PRDM7: variants seen among roughly 807,000 people sequenced by gnomAD.
PRDM7 encodes the protein PR/SET domain 7.
In PRDM7, 52 loss-of-function variants were observed where a neutral mutation model predicts 64.3. That is an observed-to-expected ratio of 0.81 (90% CI 0.65 to 1.02). The LOEUF (loss-of-function observed/expected upper bound fraction) is 1.02, where lower values mean the gene tolerates loss of function less well. Among genes scored for constraint, PRDM7 ranks in the 50% least tolerant of loss-of-function variants. The pLI is 0.00. For synonymous variants in PRDM7, 192 were observed against 210.1 expected, an observed-to-expected ratio of 0.91 and a Z score of 0.74; for missense variants, 574 against 597.1, an observed-to-expected ratio of 0.96 and a Z score of 0.40.
At chr16:90,067,881 C>T (rs1450738638) in intron 4 of PRDM7, among the ~76,000 whole-genome samples, 5 of 151,196 alleles carry the variant, frequency 3.3e-5, no homozygotes, top group South Asian at 4.2e-4. Context: ...TGAGCCACCG[C>T]GCCCAGCCGA....
chr16:90,075,801 G>A lies in PRDM7; in HGVS notation c.69+41C>T, dbSNP rs777711442. The stretch of plus-strand genomic sequence containing the variant: ...GGAGTCTGCAGCACTCCAGAGATCA[G>A]CTCCTGCTGGGAGTCTGGCTTCGCC... On this transcript the variant is annotated intron_variant, in intron 2 of 10. Coordinates refer to ENST00000449207, the MANE Select transcript of PRDM7 (RefSeq NM_001098173.2). The surrounding 1 kb of genome is among the most constrained non-coding windows in gnomAD (Gnocchi z 4.3). The A allele has an allele frequency of 8.1e-6, 13 of 1,599,242 alleles. No homozygotes were observed. The African/African-American group carries it at 1.5e-4, about 18-fold the overall frequency.
chr16:90,058,390 G>A lies in PRDM7; in HGVS notation c.1378C>T (p.Pro460Ser). ...LQENFSNQRIPAQGIRIRSGN... is the reference protein window; with the variant it reads ...LQENFSNQRISAQGIRIRSGN... The stretch of plus-strand genomic sequence containing the variant: ...CTCCTGATTCTGATCCCCTGGGCAG[G>A]GATTCTCTGGTTGGAGAAGTTTTCT... The change falls in exon 11 of 11, where the codon CCT becomes TCT. Residue 460 changes from proline to serine, a missense_variant. Coordinates refer to ENST00000449207, the MANE Select transcript of PRDM7 (RefSeq NM_001098173.2). 2 of 1,614,136 alleles carry A rather than the reference G, an allele frequency of 1.2e-6. No individual in the cohort carries two copies. The highest frequency in any genetic ancestry group is 1.7e-6 in the Non-Finnish European group (2 of 1,180,034).
chr16:90,063,146 A>T (rs2037810637), intron 6 of PRDM7, among the ~76,000 whole-genome samples: 1 of 152,200 alleles, frequency 6.6e-6, no homozygotes, highest in Admixed American at 6.5e-5. Flanking sequence ...CTTACATGCT[A>T]TTCAATACTG....
chr16:90,064,316 G>C (rs1041145216), intron 5 of PRDM7, among the ~76,000 whole-genome samples: 1 of 152,160 alleles, frequency 6.6e-6, no homozygotes, highest in Non-Finnish European at 1.5e-5. Flanking sequence ...GTTAGTTCCT[G>C]TACCAATTCT....
chr16:90,057,827 T>A lies in PRDM7; in HGVS notation c.*462A>T, dbSNP rs570051982. The A allele has an allele frequency of 1.5e-5, 22 of 1,459,072 alleles. No homozygotes were observed. Among genetic ancestry groups the A allele is most frequent in the Non-Finnish European group, 1.9e-5 (21 of 1,082,730 alleles). The allele number at this position is 1,459,072 out of a possible 1,614,324, so 90.4% of individuals were successfully genotyped here. On this transcript the variant is annotated 3_prime_UTR_variant, in exon 11 of 11. Coordinates refer to ENST00000449207, the MANE Select transcript of PRDM7 (RefSeq NM_001098173.2). ...TTGTGGCTATTGAGATAAGGTTTTA[T>A]TACTAATGACTTACTCATCCTTCCT...
Position 90,056,718 on chromosome 16 carries a change from G to A in PRDM7, c.*1571C>T, listed in dbSNP as rs556083814. Reference sequence around the variant, plus strand: ...GGGTCGTGATCGATTGAGCAAGCAGGGGGTAGGTGACAGGGGCTGCATGCA... The same window carrying A: ...GGGTCGTGATCGATTGAGCAAGCAGAGGGTAGGTGACAGGGGCTGCATGCA... On this transcript the variant is annotated 3_prime_UTR_variant, in exon 11 of 11. Coordinates refer to ENST00000449207, the MANE Select transcript of PRDM7 (RefSeq NM_001098173.2). The A allele has an allele frequency of 4.6e-5, 7 of 152,238 alleles. No individual in the cohort carries two copies. The highest frequency in any genetic ancestry group is 1.0e-4 in the Non-Finnish European group (7 of 68,102). 9.4% of individuals were successfully genotyped at this position (152,238 alleles called of 1,614,324 possible).
rs2038018376 is a variant in PRDM7 at position 90,075,143 on chromosome 16, T to C, written c.194-120A>G. 5.2e-6 allele frequency: 7 copies of C among 1,357,204 alleles called. No individual in the cohort carries two copies. The highest frequency in any genetic ancestry group is 1.4e-5 in the African/African-American group (1 of 69,306). 84.1% of individuals were successfully genotyped at this position (1,357,204 alleles called of 1,614,324 possible). A position where few individuals can be genotyped will look rare whatever the true frequency, so the allele number is the denominator to read the frequency against. ...CTCAGTCTGATGAGCTGGGAGAGTC[T>C]TGAACAAGGTCAAGATGTGACCTCT... On this transcript the variant is annotated intron_variant, in intron 3 of 10. Coordinates refer to ENST00000449207, the MANE Select transcript of PRDM7 (RefSeq NM_001098173.2). This position sits in a 1 kb window ranked among gnomAD's most constrained non-coding sequence, Gnocchi z 4.3.
Position 90,062,143 on chromosome 16 carries a change from C to T in PRDM7, c.660G>A (p.Gly220=). Residue 220 remains glycine, a synonymous_variant, in exon 8 of 11, where the codon GGG becomes GGA. Coordinates refer to ENST00000449207, the MANE Select transcript of PRDM7 (RefSeq NM_001098173.2). ...NFFIDSCAAH[G]PPTFVKDSAV... is the part of the protein sequence containing the mutation. Reference sequence around the variant, plus strand: ...CACTGTCCTTTACAAATGTAGGGGGCCCATGAGCAGCACAGCTGTCAATGA... The same window carrying T: ...CACTGTCCTTTACAAATGTAGGGGGTCCATGAGCAGCACAGCTGTCAATGA... The T allele has an allele frequency of 6.2e-7, 1 of 1,614,240 alleles. No individual in the cohort carries two copies. The highest frequency in any genetic ancestry group is 1.3e-5 in the African/African-American group (1 of 75,066).
At chr16:90,064,519 T>C (rs1266495347) in intron 5 of PRDM7, among the ~76,000 whole-genome samples, 3 of 151,864 alleles carry the variant, frequency 2.0e-5, no homozygotes, top group Admixed American at 6.6e-5. Flanking sequence ...GTTCAAGAGA[T>C]TTTCCTACCT....
At chr16:90,076,804 G>C (rs568113086) in intron 1 of PRDM7, among the ~76,000 whole-genome samples, 11 of 151,944 alleles carry the variant, frequency 7.2e-5, no homozygotes, top group Non-Finnish European at 1.6e-4. Flanking sequence ...AGGAGATTTG[G>C]GTCTCTCATT....
chr16:90,063,575 C>A, intron 6 of PRDM7, 37 bp downstream of exon 6: 1 of 1,606,732 alleles, frequency 6.2e-7, no homozygotes, highest in Non-Finnish European at 8.5e-7. Context: ...TTCTAGAGGA[C>A]ATAGAGGGAC....
intron 5 of PRDM7, among the ~76,000 whole-genome samples, chr16:90,064,308 T>C (rs1168977184): frequency 6.6e-6 from 1 of 152,202 alleles, no homozygotes; most frequent in African/African-American, 2.4e-5. Context: ...TTAGATTAGT[T>C]AGTTCCTGTA....
chr16:90,072,005 C>T (rs998401424), intron 4 of PRDM7, among the ~76,000 whole-genome samples: 8 of 151,958 alleles, frequency 5.3e-5, no homozygotes, highest in African/African-American at 9.7e-5. Flanking sequence ...ATGAGGCAGG[C>T]GGATCATGAG....
rs867489649 is a variant in PRDM7 at position 90,060,344 on chromosome 16, TC to T, written c.1229del (p.Gly410GlufsTer63). On this transcript the variant is annotated frameshift_variant, in exon 10 of 11. Coordinates refer to ENST00000449207, the MANE Select transcript of PRDM7 (RefSeq NM_001098173.2). LOFTEE classifies it high-confidence loss of function. ...AASGRKSSWQGENQSQRSIHV... is the reference protein window; with the variant it reads ...AASGRKSSWQXENQSQRSIHV... ...AAAGAGTAATAGTGATGCCTACCTCTCCCTGCCATGAGCTCTTTCTTCCACT... is the reference window on the plus strand; with the variant it reads ...AAAGAGTAATAGTGATGCCTACCTCTCCTGCCATGAGCTCTTTCTTCCACT... 4 of 1,613,858 alleles carry T rather than the reference TC, an allele frequency of 2.5e-6. No individual in the cohort carries two copies. The African/African-American group carries it at 5.3e-5, about 22-fold the overall frequency.
intron 4 of PRDM7, among the ~76,000 whole-genome samples, 193 bp from the exon 5 acceptor site, chr16:90,067,103 C>G (rs1223220794): frequency 6.6e-6 from 1 of 151,124 alleles, no homozygotes; most frequent in Non-Finnish European, 1.5e-5. Context: ...TTGTTGGGAA[C>G]TACAGGTGTG....
intron 7 of PRDM7, 91 bp downstream of exon 7, chr16:90,062,310 C>T (rs771996635): frequency 1.6e-4 from 253 of 1,613,144 alleles, no homozygotes; most frequent in East Asian, 7.1e-4. Flanking sequence ...TTAATTCATT[C>T]GAGTAAGGGA....
Position 90,057,876 on chromosome 16 carries a change from G to T in PRDM7, c.*413C>A. On this transcript the variant is annotated 3_prime_UTR_variant, in exon 11 of 11. Transcript: ENST00000449207. ...CTGCAGACTGGGGCGTCTCCCCTGT[G>T]TGTCCTCTGGTGAATGAGGAGGACT... The T allele has an allele frequency of 6.6e-7, 1 of 1,518,106 alleles. No homozygotes were observed. The highest frequency in any genetic ancestry group is 9.0e-7 in the Non-Finnish European group (1 of 1,113,504). The allele number at this position is 1,518,106 out of a possible 1,614,324, so 94.0% of individuals were successfully genotyped here.
Position 90,062,467 on chromosome 16 carries a change from T to C in PRDM7, c.544A>G (p.Ser182Gly). Residue 182 changes from serine (S) to glycine (G), a missense_variant, in exon 7 of 11, where the codon AGC becomes GGC. Transcript: ENST00000449207. ...GCATGACCCTTTCTTTCTCGCAGGC[T>C]ATACATCTTTCCTTCAGTCTCCTTC... is the stretch of plus-strand genomic sequence containing the variant. ...RRKETEGKMY[S>G]LRERKGHAYK... 6.2e-7 allele frequency: 1 copy of C among 1,614,176 alleles called. No homozygotes were observed. The highest frequency in any genetic ancestry group is 1.1e-5 in the South Asian group (1 of 91,082).
intron 4 of PRDM7, among the ~76,000 whole-genome samples, chr16:90,070,292 G>T (rs779923872): frequency 1.9e-4 from 28 of 150,642 alleles, no homozygotes; most frequent in Non-Finnish European, 3.1e-4. Flanking sequence ...GGGACCCTTA[G>T]GATGACATTA....
Sources: gnomAD v4.1 joint callset for allele counts (sites outside exome capture counted in the v4.1 genomes callset) on GRCh38, gnomAD v4.1.1 for gene constraint, Gnocchi (gnomAD v3.1) non-coding constraint, MANE v1.5 for transcripts, NCBI Gene and HGNC (gene_info 2026-07-23, HGNC 2026-07-21) for gene names.